Variants in MAP3K4 observed in about 807,000 individuals in gnomAD.
MAP3K4 encodes the protein MAP three kinase 1.
MAP3K4 carries 67 observed loss-of-function variants against 185.6 expected under a neutral mutation model. That is an observed-to-expected ratio of 0.36 (90% confidence interval 0.30 to 0.44). The LOEUF is 0.44. MAP3K4 is among the 20% of genes least tolerant of loss of function. The probability of loss-of-function intolerance (pLI) is 1.00; values close to 1 mark genes in which losing one functional copy is unlikely to be tolerated. For synonymous variants in MAP3K4, 702 were observed against 710.4 expected (o/e 0.99, Z 0.19); for missense variants, 1,551 against 1,995.1 (o/e 0.78, Z 4.24).
rs1276035947 is a variant in MAP3K4, at chr6:160,996,301, G to A, written c.152+4218G>A. 6.6e-6 allele frequency among the ~76,000 whole-genome samples: 1 copy of A among 152,120 alleles called. No homozygotes were observed. Among genetic ancestry groups the A allele is most frequent in the African/African-American group, 2.4e-5 (1 of 41,412 alleles). On this transcript the variant is annotated intron_variant, in intron 1 of 26. Transcript: ENST00000392142. The surrounding 1 kb of genome is among the most constrained non-coding windows in gnomAD (Gnocchi z 4.5). Reference sequence around the variant, plus strand: ...GGCAGAAACTTCATGTTTTCAACTGGGGACTTGTCACTTAGGAGGACTTTG... The same window carrying A: ...GGCAGAAACTTCATGTTTTCAACTGAGGACTTGTCACTTAGGAGGACTTTG...
At position 161,048,197 on chromosome 6, in the gene MAP3K4, A is replaced by T. The variant is rs534189633; in HGVS notation, c.344-419A>T. 352 of 521,566 alleles carry T rather than the reference A, an allele frequency of 6.7e-4. 5 individuals carry two copies. Among genetic ancestry groups the T allele is most frequent in the South Asian group, 5.1e-3 (350 of 68,614 alleles). 32.3% of individuals were successfully genotyped at this position (521,566 alleles called of 1,614,324 possible). A position where few individuals can be genotyped will look rare whatever the true frequency, so the allele number is the denominator to read the frequency against. ...TTACGTGATTTCCTCTTAAGTTTAC[A>T]CATTTAGCTAATGACAAATGCAGGA... is the stretch of plus-strand genomic sequence containing the variant. On this transcript the variant is annotated intron_variant, in intron 2 of 26. Coordinates refer to ENST00000392142, the MANE Select transcript of MAP3K4 (RefSeq NM_005922.4). The surrounding 1 kb of genome is among the most constrained non-coding windows in gnomAD (Gnocchi z 4.7).
At position 161,114,582 on chromosome 6, in the gene MAP3K4, T is replaced by G. The variant is rs1274670300; in HGVS notation, c.4627-541T>G. 6.6e-6 allele frequency among the ~76,000 whole-genome samples: 1 copy of G among 152,208 alleles called. No individual in the cohort carries two copies. The highest frequency in any genetic ancestry group is 1.5e-5 in the Non-Finnish European group (1 of 68,034). ...CATATTGAAGAATACATATTGGCAA[T>G]GACGAAACAATAGTTTAGAAATTAG... On this transcript the variant is annotated intron_variant, in intron 25 of 26. Coordinates refer to ENST00000392142, the MANE Select transcript of MAP3K4 (RefSeq NM_005922.4). The surrounding 1 kb of genome is among the most constrained non-coding windows in gnomAD (Gnocchi z 4.3).
At chr6:161,090,511 C>T (rs779973251) in intron 11 of MAP3K4, among the ~76,000 whole-genome samples, 12 of 146,278 alleles carry the variant, frequency 8.2e-5, no homozygotes, top group East Asian at 2.0e-4. Flanking sequence ...AACTCTTGGT[C>T]GTGGAGGGCT....
intron 3 of MAP3K4, among the ~76,000 whole-genome samples, chr6:161,055,478 C>T (rs926038633): frequency 3.9e-5 from 6 of 152,128 alleles, no homozygotes; most frequent in African/African-American, 7.2e-5. Context: ...TCATCCAGCA[C>T]GCCTTAATAT....
intron 5 of MAP3K4, among the ~76,000 whole-genome samples, chr6:161,079,216 G>GA (rs71004026): frequency 0.14 from 16,684 of 115,978 alleles, 1,744 homozygotes; most frequent in East Asian, 0.29. Flanking sequence ...CCTGTCTCAA[G>GA]AAAAAAAAAA....
intron 2 of MAP3K4, among the ~76,000 whole-genome samples, chr6:161,041,747 C>T (rs970259856): frequency 6.6e-6 from 1 of 152,076 alleles, no homozygotes; most frequent in Non-Finnish European, 1.5e-5. Flanking sequence ...TGTCTTGGAC[C>T]TTTTAGACCA....
At chr6:161,014,015 T>C (rs745990067) in intron 1 of MAP3K4, among the ~76,000 whole-genome samples, 1 of 152,200 alleles carries the variant, frequency 6.6e-6, no homozygotes, top group African/African-American at 2.4e-5. Context: ...CCGCCTTCAT[T>C]GTAAACTCTA....
chr6:161,052,709 A>C (rs1296407081), intron 3 of MAP3K4, among the ~76,000 whole-genome samples: 1 of 151,966 alleles, frequency 6.6e-6, no homozygotes, highest in African/African-American at 2.4e-5. Context: ...TAGGAACATA[A>C]TTTCTATAAA....
chr6:160,992,334 T>A (rs1751414592), intron 1 of MAP3K4: 1 of 525,856 alleles, frequency 1.9e-6, no homozygotes, highest in East Asian at 3.6e-5. Context: ...CCCCTTCCCT[T>A]GTAGACTCCC....
Position 161,093,754 on chromosome 6 carries a change from A to G in MAP3K4, c.3349-19A>G, listed in dbSNP as rs1302805611. On this transcript the variant is annotated intron_variant, in intron 14 of 26. Coordinates refer to ENST00000392142, the MANE Select transcript of MAP3K4 (RefSeq NM_005922.4). The surrounding 1 kb of genome is among the most constrained non-coding windows in gnomAD (Gnocchi z 5.2). ...TGCATGTTTTCTCTTTACCTTTCCC[A>G]TTTTCTTTTGGTTTCTAGAGTTTAC... The G allele has an allele frequency of 6.5e-7, 1 of 1,540,928 alleles. No homozygotes were observed. The highest frequency in any genetic ancestry group is 8.9e-7 in the Non-Finnish European group (1 of 1,119,566).
chr6:161,039,113 C>G (rs978342617), intron 2 of MAP3K4, among the ~76,000 whole-genome samples: 1 of 151,978 alleles, frequency 6.6e-6, no homozygotes, highest in Non-Finnish European at 1.5e-5. Context: ...GAGGCTGGCC[C>G]AAATTCACTG....
Position 161,067,309 on chromosome 6 carries a change from CA to C in MAP3K4, c.1708-3295del, listed in dbSNP as rs1784756360. The C allele has an allele frequency of 7.3e-6, 3 of 410,342 alleles. No homozygotes were observed. Among genetic ancestry groups the C allele is most frequent in the African/African-American group, 6.2e-5 (3 of 48,104 alleles). The allele number at this position is 410,342 out of a possible 1,614,324, so 25.4% of individuals were successfully genotyped here. A position where few individuals can be genotyped will look rare whatever the true frequency, so the allele number is the denominator to read the frequency against. ...TTGCAGGTCACAGGTAGGTAAGAGA[CA>C]AAACGTTACATTTTTTTGAATTTCT... On this transcript the variant is annotated intron_variant, in intron 3 of 26. Coordinates refer to ENST00000392142, the MANE Select transcript of MAP3K4 (RefSeq NM_005922.4). This position sits in a 1 kb window ranked among gnomAD's most constrained non-coding sequence, Gnocchi z 6.3.
chr6:161,018,439 G>A (rs1782216361), intron 1 of MAP3K4, among the ~76,000 whole-genome samples: 1 of 152,214 alleles, frequency 6.6e-6, no homozygotes, highest in South Asian at 2.1e-4. Context: ...GGACATTTGG[G>A]ACATTCAGTA....
In MAP3K4 at chr6:161,098,897, A is replaced by G. The variant is rs897755770; in HGVS notation, c.3674+470A>G. Among the ~76,000 whole-genome samples, 10 of 152,368 alleles carry G rather than the reference A, an allele frequency of 6.6e-5. No individual in the cohort carries two copies. The highest frequency in any genetic ancestry group is 2.2e-4 in the African/African-American group (9 of 41,594). ...GATTAGAAGTAGTTTATAGAAGTGG[A>G]AAAATGAGTTCATGGGGTTTGTATG... On this transcript the variant is annotated intron_variant, in intron 17 of 26. Transcript: ENST00000392142. This position sits in a 1 kb window ranked among gnomAD's most constrained non-coding sequence, Gnocchi z 4.4.
chr6:161,011,025 T>C (rs766928158), intron 1 of MAP3K4, among the ~76,000 whole-genome samples: 3 of 152,170 alleles, frequency 2.0e-5, no homozygotes, highest in Non-Finnish European at 2.9e-5. Context: ...ATTCTTGAAG[T>C]TCTTGTAAGG....
chr6:160,992,002 AGCC>A lies in MAP3K4; in HGVS notation c.78_80del (p.Pro36del), dbSNP rs1300318052. 6.5e-7 allele frequency: 1 copy of A among 1,537,130 alleles called. No homozygotes were observed. Among genetic ancestry groups the A allele is most frequent in the Admixed American group, 1.9e-5 (1 of 52,242 alleles). On this transcript the variant is annotated inframe_deletion, in exon 1 of 27. Coordinates refer to ENST00000392142, the MANE Select transcript of MAP3K4 (RefSeq NM_005922.4). ...GTCACGCCTGCCGCCGCCATGGAGG[AGCC>A]GCCGCCACCGCCGCCGCCGCCACCA... is the stretch of plus-strand genomic sequence containing the variant.
At chr6:161,089,923 C>T (rs1454508571) in intron 11 of MAP3K4, among the ~76,000 whole-genome samples, 2 of 152,120 alleles carry the variant, frequency 1.3e-5, no homozygotes, top group Non-Finnish European at 2.9e-5. Flanking sequence ...CAGAGAAGTA[C>T]AAAGGCCTTT....
At chr6:161,013,721 G>C (rs1029666079) in intron 1 of MAP3K4, among the ~76,000 whole-genome samples, 8 of 152,232 alleles carry the variant, frequency 5.3e-5, no homozygotes, top group African/African-American at 1.9e-4. Context: ...CTGCCCCGTA[G>C]GCCAAGAGTA....
At position 161,086,319 on chromosome 6, in the gene MAP3K4, C is replaced by G. The variant is rs992159274; in HGVS notation, c.2373-60C>G. On this transcript the variant is annotated intron_variant, in intron 7 of 26. Coordinates refer to ENST00000392142, the MANE Select transcript of MAP3K4 (RefSeq NM_005922.4). The surrounding 1 kb of genome is among the most constrained non-coding windows in gnomAD (Gnocchi z 4.8). ...TTGCTTCATCTTTATTGTTAAATCC[C>G]TCTTGCACCTCTGGAATATTCCCTA... is the stretch of plus-strand genomic sequence containing the variant. The G allele has an allele frequency of 3.1e-6, 3 of 961,152 alleles. No homozygotes were observed. Among genetic ancestry groups the G allele is most frequent in the Admixed American group, 4.5e-5 (2 of 44,902 alleles). The allele number at this position is 961,152 out of a possible 1,614,324, so 59.5% of individuals were successfully genotyped here.
Sources: gnomAD v4.1 joint callset for allele counts (sites outside exome capture counted in the v4.1 genomes callset) on GRCh38, gnomAD v4.1.1 for gene constraint, Gnocchi (gnomAD v3.1) non-coding constraint, MANE v1.5 for transcripts, NCBI Gene and HGNC (gene_info 2026-07-23, HGNC 2026-07-21) for gene names.